The following DPP8 variants were observed in gnomAD, a reference collection of about 807,000 sequenced individuals.
The protein encoded by DPP8 is dipeptidyl peptidase 8.
DPP8 carries 31 observed loss-of-function variants against 107.5 expected under a neutral mutation model. That is an observed-to-expected ratio of 0.29 (90% CI 0.22 to 0.39). DPP8 has a LOEUF of 0.39. DPP8 is among the 10% of genes least tolerant of loss of function. DPP8 has a pLI of 1.00. For missense variants in DPP8, 842 were observed against 1,076.1 expected, an observed-to-expected ratio of 0.78 and a Z score of 3.04; for synonymous variants, 381 against 356.6, an observed-to-expected ratio of 1.07 and a Z score of -0.77.
At chr15:65,505,220 T>C (rs2069809219) in intron 3 of DPP8, among the ~76,000 whole-genome samples, 1 of 151,502 alleles carries the variant, frequency 6.6e-6, no homozygotes, top group Non-Finnish European at 1.5e-5. Context: ...CTGGGCATGG[T>C]GGTGGGAGCC....
chr15:65,515,577 C>G, intron 1 of DPP8: 1 of 1,238,742 alleles, frequency 8.1e-7, no homozygotes, highest in South Asian at 1.3e-5. Context: ...AAAATAGGGT[C>G]AGTGTACCTT....
chr15:65,466,766 G>A lies in DPP8; in HGVS notation c.1737C>T (p.His579=), dbSNP rs140955912. ...ISKYSNQKNP[H]CVSLYKLSSP... is the part of the protein sequence containing the mutation. ...TTGATAGCTTGTAAAGGGACACACA[G>A]TGTGGATTCTTCTGGTTACTATACT... The change falls in exon 14 of 20, where the codon CAC becomes CAT. Residue 579 remains histidine, a synonymous_variant. Transcript: ENST00000300141. 233 of 1,613,840 alleles carry A rather than the reference G, an allele frequency of 1.4e-4. 1 individual carries two copies. The African/African-American group carries it at 2.7e-3, about 19-fold the overall frequency.
chr15:65,508,096 TG>T (rs2070296815), intron 2 of DPP8, among the ~76,000 whole-genome samples: 1 of 151,958 alleles, frequency 6.6e-6, no homozygotes, highest in African/African-American at 2.4e-5. Context: ...AAAAATTAGC[TG>T]GGCGTGGTGG....
At chr15:65,496,657 A>AT (rs943777386) in intron 5 of DPP8, among the ~76,000 whole-genome samples, 45 of 148,582 alleles carry the variant, frequency 3.0e-4, no homozygotes, top group Non-Finnish European at 4.2e-4. Context: ...CTGAAAGATA[A>AT]TTTTTTTTTT....
chr15:65,489,053 C>T (rs1596025541), intron 6 of DPP8, among the ~76,000 whole-genome samples: 1 of 152,160 alleles, frequency 6.6e-6, no homozygotes, highest in Non-Finnish European at 1.5e-5. Context: ...CTCCACCTCC[C>T]GGGTTCAATT....
intron 4 of DPP8, among the ~76,000 whole-genome samples, chr15:65,500,161 G>A (rs1377861867): frequency 2.0e-5 from 3 of 152,072 alleles, no homozygotes; most frequent in Non-Finnish European, 2.9e-5. Flanking sequence ...GCTCATGTCT[G>A]TAATCCTAGC....
chr15:65,507,444 A>G lies in DPP8; in HGVS notation c.260-89T>C. The G allele has an allele frequency of 8.0e-6, 6 of 749,232 alleles. No individual in the cohort carries two copies. In the South Asian group the frequency reaches 1.0e-4, roughly 13 times the overall value. The allele number at this position is 749,232 out of a possible 1,614,324, so 46.4% of individuals were successfully genotyped here. On this transcript the variant is annotated intron_variant, in intron 2 of 19. Transcript: ENST00000300141. The stretch of plus-strand genomic sequence containing the variant: ...TGCAAGTACATAATGCCTTCTATAC[A>G]CTGCAATATTTTGCACTCTATGGGA...
intron 3 of DPP8, among the ~76,000 whole-genome samples, chr15:65,501,505 A>G (rs999491813): frequency 6.6e-6 from 1 of 152,206 alleles, no homozygotes; most frequent in Non-Finnish European, 1.5e-5. Context: ...AATTTATTCA[A>G]AAGTAATTTT....
At chr15:65,456,536 TCTTG>T (rs1315547054) in intron 15 of DPP8, among the ~76,000 whole-genome samples, 165 bp from the exon 16 acceptor site, 12 of 152,242 alleles carry the variant, frequency 7.9e-5, no homozygotes, top group African/African-American at 2.9e-4. Flanking sequence ...TTTATTTGCT[TCTTG>T]CTTAACTTCA....
intron 19 of DPP8, among the ~76,000 whole-genome samples, chr15:65,449,692 G>A (rs898736707): frequency 1.3e-5 from 2 of 152,116 alleles, no homozygotes; most frequent in African/African-American, 4.8e-5. Flanking sequence ...TTACAGGCGT[G>A]AGCCACTGCG....
Position 65,454,273 on chromosome 15 carries a change from T to G in DPP8, c.2261A>C (p.Asp754Ala). The G allele has an allele frequency of 6.5e-7, 1 of 1,547,544 alleles. No homozygotes were observed. The highest frequency in any genetic ancestry group is 1.3e-5 in the South Asian group (1 of 78,196). Residue 754 changes from aspartate (D) to alanine (A), a missense_variant, in exon 17 of 20, where the codon GAT (aspartate) becomes GCT (alanine). Around this residue, in one of 2 missense-constraint regions of DPP8, gnomAD observed 179 missense variants for 318.0 expected, o/e 0.56. Coordinates refer to ENST00000300141, the MANE Select transcript of DPP8 (RefSeq NM_130434.5). ...TAGGAAGTCACATACCCTGAAGATA[T>G]CTGACCTCTGCATTAATGCCATCAG... ...LSLMALMQRS[D>A]IFRVAIAGAP...
chr15:65,452,299 T>G (rs2064041462), intron 17 of DPP8, among the ~76,000 whole-genome samples, 197 bp from the exon 18 acceptor site: 1 of 152,192 alleles, frequency 6.6e-6, no homozygotes, highest in African/African-American at 2.4e-5. Context: ...TGAGTCAGTT[T>G]CATGTTCCAT....
chr15:65,442,758 T>C lies in DPP8; in HGVS notation c.*4126A>G, dbSNP rs1047108623. 1 of 152,232 alleles carries C rather than the reference T, an allele frequency of 6.6e-6. No homozygotes were observed. Among genetic ancestry groups the C allele is most frequent in the Non-Finnish European group, 1.5e-5 (1 of 68,034 alleles). 9.4% of individuals were successfully genotyped at this position (152,232 alleles called of 1,614,324 possible). A position where few individuals can be genotyped will look rare whatever the true frequency, so the allele number is the denominator to read the frequency against. The stretch of plus-strand genomic sequence containing the variant: ...TTTTTCTTTATCTGTAAAGGACTTA[T>C]GAAATGATCACCTAGAGCCCAGGAC... On this transcript the variant is annotated 3_prime_UTR_variant, in exon 20 of 20. Transcript: ENST00000300141.
rs1459476108 is a variant in DPP8, at chr15:65,498,987, G to GT, written c.547-956dup. On this transcript the variant is annotated intron_variant, in intron 4 of 19. Coordinates refer to ENST00000300141, the MANE Select transcript of DPP8 (RefSeq NM_130434.5). ...GTGGGAGGATTGCTTGAGCCCAGGA[G>GT]TTTGAGGCTGCAGTGAGCCATGATC... Among the ~76,000 whole-genome samples, 55 of 151,714 alleles carry GT rather than the reference G, an allele frequency of 3.6e-4. 1 individual carries two copies. In the Admixed American group the frequency reaches 3.6e-3, roughly 10 times the overall value.
In DPP8 at chr15:65,445,566, C is replaced by A. The variant is rs553530577; in HGVS notation, c.*1318G>T. ...TTAAACACCAAAAAAAAAAAGAGAG[C>A]CATGGCTTGCCAGGGATTAGTTTAT... On this transcript the variant is annotated 3_prime_UTR_variant, in exon 20 of 20. Coordinates refer to ENST00000300141, the MANE Select transcript of DPP8 (RefSeq NM_130434.5). 5 of 153,460 alleles carry A rather than the reference C, an allele frequency of 3.3e-5. No homozygotes were observed. The highest frequency in any genetic ancestry group is 6.6e-5 in the Admixed American group (1 of 15,250). 9.5% of individuals were successfully genotyped at this position (153,460 alleles called of 1,614,324 possible). A position where few individuals can be genotyped will look rare whatever the true frequency, so the allele number is the denominator to read the frequency against.
intron 9 of DPP8, 57 bp downstream of exon 9, chr15:65,481,458 T>C: frequency 8.2e-7 from 1 of 1,226,092 alleles, no homozygotes; most frequent in Non-Finnish European, 1.2e-6. Flanking sequence ...AGCACAAATA[T>C]TCCAAAGCTC....
At chr15:65,474,061 C>A (rs8043478) in intron 12 of DPP8, 148 bp downstream of exon 12, 1 of 611,510 alleles carries the variant, frequency 1.6e-6, no homozygotes, top group Non-Finnish European at 2.9e-6. Flanking sequence ...CCGAGATCAC[C>A]CCATTGCACT....
In DPP8 at chr15:65,477,188, A is replaced by C. The variant is rs58881753; in HGVS notation, c.1456+1692T>G. ...GTAATCCCAGCATTTTGGGAGGCCA[A>C]GGCTGGTGAATCACATGAGGTCAGG... On this transcript the variant is annotated intron_variant, in intron 11 of 19. Coordinates refer to ENST00000300141, the MANE Select transcript of DPP8 (RefSeq NM_130434.5). 3.0e-3 allele frequency among the ~76,000 whole-genome samples: 463 copies of C among 152,220 alleles called. 1 individual carries two copies. Among genetic ancestry groups the C allele is most frequent in the African/African-American group, 0.011 (447 of 41,532 alleles).
chr15:65,457,380 CTTTTTT>C (rs200397261), intron 15 of DPP8, among the ~76,000 whole-genome samples: 1 of 145,344 alleles, frequency 6.9e-6, no homozygotes, highest in African/African-American at 2.5e-5. Flanking sequence ...AAAAGTCATA[CTTTTTT>C]TTTTTAAGAG....
Sources: gnomAD v4.1 joint callset for allele counts (sites outside exome capture counted in the v4.1 genomes callset) on GRCh38, gnomAD v4.1.1 for gene constraint, gnomAD v4.1.1 regional missense constraint, MANE v1.5 for transcripts, NCBI Gene and HGNC (gene_info 2026-07-23, HGNC 2026-07-21) for gene names.